The following FRMPD2 variants were observed in gnomAD, a reference collection of about 807,000 sequenced individuals.
FRMPD2 encodes the protein FERM and PDZ domain-containing protein 2.
Under a neutral mutation model 140.1 loss-of-function variants are expected in FRMPD2, and 96 were observed. That is an observed-to-expected ratio of 0.69 (90% CI 0.58 to 0.81). The LOEUF (loss-of-function observed/expected upper bound fraction) is 0.81. FRMPD2 is among the 40% of genes least tolerant of loss of function. FRMPD2 has a pLI of 0.00. For missense variants in FRMPD2, 1,240 were observed against 1,447.4 expected, an observed-to-expected ratio of 0.86 and a Z score of 2.32; for synonymous variants, 449 against 547.6, an observed-to-expected ratio of 0.82 and a Z score of 2.52.
At chr10:48,204,739 T>C (rs973156951) in intron 14 of FRMPD2, among the ~76,000 whole-genome samples, 8 of 152,252 alleles carry the variant, frequency 5.3e-5, no homozygotes, top group Admixed American at 3.9e-4. Flanking sequence ...TAACTTTGTA[T>C]TCTTTTTCAT....
intron 1 of FRMPD2, among the ~76,000 whole-genome samples, chr10:48,255,989 G>T (rs575509668): frequency 2.0e-5 from 3 of 152,232 alleles, no homozygotes; most frequent in Non-Finnish European, 4.4e-5. Context: ...GCATTTTGGC[G>T]TAGGAGCAGT....
chr10:48,161,393 A>G (rs1295063909), intron 28 of FRMPD2, among the ~76,000 whole-genome samples: 1 of 151,490 alleles, frequency 6.6e-6, no homozygotes, highest in Non-Finnish European at 1.5e-5. Context: ...TGCAAAAAAA[A>G]AACAGCAAAT....
At chr10:48,216,572 C>T (rs1839456249) in intron 12 of FRMPD2, among the ~76,000 whole-genome samples, 1 of 152,156 alleles carries the variant, frequency 6.6e-6, no homozygotes, top group Non-Finnish European at 1.5e-5. Context: ...TCTGAATCTA[C>T]AGACTGAAGG....
intron 1 of FRMPD2, among the ~76,000 whole-genome samples, chr10:48,272,216 C>T (rs1405079722): frequency 6.6e-6 from 1 of 152,186 alleles, no homozygotes; most frequent in Non-Finnish European, 1.5e-5. Context: ...TTCGTGCCCC[C>T]TTCATTTGCA....
At chr10:48,199,138 T>A (rs1330079292) in intron 15 of FRMPD2, among the ~76,000 whole-genome samples, 1 of 152,172 alleles carries the variant, frequency 6.6e-6, no homozygotes, top group Non-Finnish European at 1.5e-5. Flanking sequence ...TCAGGTACTA[T>A]GCTCACTACC....
At chr10:48,193,942 T>C (rs1244022350) in intron 15 of FRMPD2, among the ~76,000 whole-genome samples, 1 of 152,200 alleles carries the variant, frequency 6.6e-6, no homozygotes, top group Admixed American at 6.5e-5. Context: ...ATTTTCTGCA[T>C]GCATGAGGCA....
At chr10:48,210,015 C>CAT (rs1420611043) in intron 13 of FRMPD2, among the ~76,000 whole-genome samples, 3 of 152,004 alleles carry the variant, frequency 2.0e-5, no homozygotes, top group African/African-American at 2.4e-5. Flanking sequence ...TATGCATATA[C>CAT]ATATATATAT....
intron 10 of FRMPD2, among the ~76,000 whole-genome samples, chr10:48,229,261 G>A (rs916391920): frequency 3.3e-5 from 5 of 152,056 alleles, no homozygotes; most frequent in African/African-American, 1.2e-4. Context: ...TATTCAAAGA[G>A]CTAAGTTTTG....
At chr10:48,266,052 A>C (rs2131986790) in intron 1 of FRMPD2, among the ~76,000 whole-genome samples, 1 of 152,228 alleles carries the variant, frequency 6.6e-6, no homozygotes, top group Non-Finnish European at 1.5e-5. Context: ...AGAATGAGAT[A>C]ATGCCCCTTT....
chr10:48,208,367 C>T (rs941807208), intron 13 of FRMPD2, among the ~76,000 whole-genome samples: 4 of 152,184 alleles, frequency 2.6e-5, no homozygotes, highest in East Asian at 1.9e-4. Flanking sequence ...AGATACGATG[C>T]TTTTCAGTTC....
At chr10:48,235,652 G>T (rs1839950310) in intron 9 of FRMPD2, among the ~76,000 whole-genome samples, 1 of 152,234 alleles carries the variant, frequency 6.6e-6, no homozygotes, top group African/African-American at 2.4e-5. Context: ...CAGAGGCCCA[G>T]AAAGCCAAGT....
chr10:48,185,702 A>C, intron 17 of FRMPD2, 57 bp from the exon 18 acceptor site: 1 of 1,308,434 alleles, frequency 7.6e-7, no homozygotes, highest in Non-Finnish European at 1.1e-6. Flanking sequence ...TTTGGGAGCT[A>C]ATACAAAAGG....
chr10:48,245,676 T>C (rs1307415926), intron 3 of FRMPD2, among the ~76,000 whole-genome samples: 1 of 152,232 alleles, frequency 6.6e-6, no homozygotes, highest in African/African-American at 2.4e-5. Context: ...TAGTCCTCAC[T>C]GCAATCCTGT....
rs760524422 is a variant in FRMPD2 at position 48,201,377 on chromosome 10, T to C, written c.1805A>G (p.Lys602Arg). ...AGTGACACTGCTTGTGATGGTGAACTTTTTTTGCTGAAGGAAGCAAACACA... is the reference window on the plus strand; with the variant it reads ...AGTGACACTGCTTGTGATGGTGAACCTTTTTTGCTGAAGGAAGCAAACACA... ...ETGKISTYQKKFTITSSVTGK... is the reference protein window; with the variant it reads ...ETGKISTYQKRFTITSSVTGK... Residue 602 changes from lysine to arginine, a missense_variant, in exon 15 of 29, where the codon AAG becomes AGG. Around this residue, in one of 6 missense-constraint regions of FRMPD2, gnomAD observed 1,161 missense variants for 1,055.9 expected, o/e 1.10. Coordinates refer to ENST00000374201, the MANE Select transcript of FRMPD2 (RefSeq NM_001018071.4). The C allele has an allele frequency of 6.2e-7, 1 of 1,612,076 alleles. No individual in the cohort carries two copies. The highest frequency in any genetic ancestry group is 1.7e-5 in the Admixed American group (1 of 59,864).
chr10:48,200,098 T>C (rs1478987011), intron 15 of FRMPD2, among the ~76,000 whole-genome samples: 1 of 151,664 alleles, frequency 6.6e-6, no homozygotes, highest in Non-Finnish European at 1.5e-5. Context: ...TGTTACCTTT[T>C]GCCCAAAATT....
At chr10:48,258,537 G>T (rs1840526609) in intron 1 of FRMPD2, among the ~76,000 whole-genome samples, 2 of 152,160 alleles carry the variant, frequency 1.3e-5, no homozygotes, top group Admixed American at 1.3e-4. Flanking sequence ...TTACAAGGTG[G>T]GTGTGAAAAA....
rs528045630 is a variant in FRMPD2 at position 48,194,251 on chromosome 10, G to A, written c.1955-1357C>T. 2.6e-5 allele frequency among the ~76,000 whole-genome samples: 4 copies of A among 152,342 alleles called. No homozygotes were observed. In the East Asian group the frequency reaches 7.7e-4, roughly 29 times the overall value. On this transcript the variant is annotated intron_variant, in intron 15 of 28. Coordinates refer to ENST00000374201, the MANE Select transcript of FRMPD2 (RefSeq NM_001018071.4). Reference sequence around the variant, plus strand: ...CAATTTAAAGATCATGGAACTTGGGGCTAAGAGTGTGTTAATTATTTGCTC... The same window carrying A: ...CAATTTAAAGATCATGGAACTTGGGACTAAGAGTGTGTTAATTATTTGCTC...
chr10:48,241,063 G>A (rs1438103173), intron 5 of FRMPD2, among the ~76,000 whole-genome samples: 2 of 150,668 alleles, frequency 1.3e-5, no homozygotes, highest in Non-Finnish European at 3.0e-5. Context: ...TGGCACACCA[G>A]TGGATGGTAG....
chr10:48,185,652 G>T lies in FRMPD2; in HGVS notation c.2267-7C>A. On this transcript the variant is annotated splice_region_variant and splice_polypyrimidine_tract_variant and intron_variant, in intron 17 of 28. Transcript: ENST00000374201. ...CTCCTATTATTCTTTGAGCCTAGAGGTAGAATCAGAGCACCACATTGTGCT... is the reference window on the plus strand; with the variant it reads ...CTCCTATTATTCTTTGAGCCTAGAGTTAGAATCAGAGCACCACATTGTGCT... The T allele has an allele frequency of 1.2e-6, 2 of 1,608,704 alleles. No homozygotes were observed. Among genetic ancestry groups the T allele is most frequent in the East Asian group, 4.5e-5 (2 of 44,854 alleles).
Sources: allele counts gnomAD v4.1 joint callset (sites outside exome capture counted in the v4.1 genomes callset), GRCh38; gene constraint gnomAD v4.1.1; regional missense constraint gnomAD v4.1.1; transcripts MANE v1.5; gene names NCBI Gene and HGNC (gene_info 2026-07-23, HGNC 2026-07-21).